Variants in MALRD1 observed in about 807,000 individuals in gnomAD.
MALRD1 encodes MAM and LDL-receptor class A domain-containing protein 1.
MALRD1 carries 247 observed loss-of-function variants against 242.1 expected under a neutral mutation model. The observed-to-expected ratio is 1.02, with a 90% CI of 0.92 to 1.13. The LOEUF (loss-of-function observed/expected upper bound fraction) is 1.13, where lower values mean the gene tolerates loss of function less well. MALRD1 is among the 50% of genes most tolerant of loss of function. MALRD1 has a pLI of 0.00. For missense variants in MALRD1, 2,989 were observed against 2,533.1 expected, an observed-to-expected ratio of 1.18 and a Z score of -3.86; for synonymous variants, 995 against 866.6, an observed-to-expected ratio of 1.15 and a Z score of -2.60.
chr10:19,316,355 T>A (rs1310635414), intron 21 of MALRD1, among the ~76,000 whole-genome samples: 1 of 151,886 alleles, frequency 6.6e-6, no homozygotes, highest in Admixed American at 6.6e-5. Context: ...TTTCTTGGTT[T>A]CTTCTGGAAT....
chr10:19,587,911 GT>G (rs11430007), intron 33 of MALRD1, among the ~76,000 whole-genome samples: 2,720 of 145,876 alleles, frequency 0.019, 69 homozygotes, highest in African/African-American at 0.065. Flanking sequence ...TATCCTAGGT[GT>G]TTTTTTTTTT....
rs1264698374 is a variant in MALRD1, at chr10:19,734,257, G to T, written c.*20G>T. The T allele has an allele frequency of 1.3e-6, 2 of 1,517,924 alleles. No individual in the cohort carries two copies. Among genetic ancestry groups the T allele is most frequent in the Admixed American group, 2.0e-5 (1 of 50,772 alleles). The allele number at this position is 1,517,924 out of a possible 1,614,324, so 94.0% of individuals were successfully genotyped here. A position where few individuals can be genotyped will look rare whatever the true frequency, so the allele number is the denominator to read the frequency against. On this transcript the variant is annotated 3_prime_UTR_variant, in exon 40 of 40. Coordinates refer to ENST00000454679, the MANE Select transcript of MALRD1 (RefSeq NM_001142308.3). ...AAATAGCAGCATCGAGACCAAGTCT[G>T]ATCCAACATGTGTAGTTTCTAGAAA...
At chr10:19,369,020 AACAG>A (rs1298915128) in intron 26 of MALRD1, among the ~76,000 whole-genome samples, 15 of 148,442 alleles carry the variant, frequency 1.0e-4, no homozygotes, top group Middle Eastern at 3.6e-3. Flanking sequence ...CTCAATGTTA[AACAG>A]ACAAATAGAT....
At chr10:19,203,435 A>C (rs144789603) in intron 14 of MALRD1, among the ~76,000 whole-genome samples, 1 of 152,310 alleles carries the variant, frequency 6.6e-6, no homozygotes, top group East Asian at 1.9e-4. Context: ...TGAATTAGGC[A>C]TACCTTGGCA....
chr10:19,416,055 C>T (rs2130900858), intron 28 of MALRD1, among the ~76,000 whole-genome samples: 1 of 152,302 alleles, frequency 6.6e-6, no homozygotes, highest in East Asian at 1.9e-4. Flanking sequence ...GTGCAGGTTG[C>T]TTGTTAACTA....
chr10:19,578,704 T>G (rs1431096034), intron 33 of MALRD1, among the ~76,000 whole-genome samples: 1 of 150,730 alleles, frequency 6.6e-6, no homozygotes, highest in African/African-American at 2.4e-5. Flanking sequence ...ATGGCTGGGT[T>G]TTTTTTTTTT....
At chr10:19,179,611 C>T (rs2131553691) in intron 14 of MALRD1, among the ~76,000 whole-genome samples, 1 of 150,926 alleles carries the variant, frequency 6.6e-6, no homozygotes, top group African/African-American at 2.4e-5. Flanking sequence ...GAGAGAGACC[C>T]TGTCTGCCAC....
At chr10:19,406,968 A>G (rs1833053187) in intron 28 of MALRD1, among the ~76,000 whole-genome samples, 1 of 152,154 alleles carries the variant, frequency 6.6e-6, no homozygotes, top group South Asian at 2.1e-4. Flanking sequence ...ACCCTCGTGT[A>G]TACCTTCCAC....
chr10:19,689,979 T>TA (rs1346806483), intron 36 of MALRD1, among the ~76,000 whole-genome samples: 1 of 152,102 alleles, frequency 6.6e-6, no homozygotes, highest in Non-Finnish European at 1.5e-5. Flanking sequence ...TGAAATCTAT[T>TA]AAAATTTATA....
At chr10:19,257,554 A>T in intron 18 of MALRD1, 130 bp from the exon 19 acceptor site, 1 of 658,474 alleles carries the variant, frequency 1.5e-6, no homozygotes, top group East Asian at 2.9e-5. Context: ...ACTACTGCAA[A>T]GCAGTTTTTT....
intron 29 of MALRD1, chr10:19,489,203 A>G (rs1161257768): frequency 4.2e-6 from 2 of 473,002 alleles, no homozygotes; most frequent in Non-Finnish European, 8.7e-6. Context: ...AGTGCAGGCG[A>G]AGCCGAAAAA....
At chr10:19,503,276 A>C (rs1838057727) in intron 31 of MALRD1, among the ~76,000 whole-genome samples, 1 of 152,204 alleles carries the variant, frequency 6.6e-6, no homozygotes, top group Non-Finnish European at 1.5e-5. Flanking sequence ...GAAAAACAAA[A>C]TTCTTTATGA....
intron 36 of MALRD1, among the ~76,000 whole-genome samples, chr10:19,667,709 C>T (rs1369522031): frequency 6.6e-6 from 1 of 152,092 alleles, no homozygotes; most frequent in Admixed American, 6.6e-5. Flanking sequence ...TGAGGCTTCA[C>T]CAGAAGCTGA....
At chr10:19,282,779 A>G (rs1217521156) in intron 20 of MALRD1, among the ~76,000 whole-genome samples, 1 of 152,172 alleles carries the variant, frequency 6.6e-6, no homozygotes, top group African/African-American at 2.4e-5. Flanking sequence ...TCCTCATGAA[A>G]CCAGATCATT....
intron 28 of MALRD1, among the ~76,000 whole-genome samples, chr10:19,433,992 C>T (rs1834250814): frequency 6.6e-6 from 1 of 151,982 alleles, no homozygotes; most frequent in Non-Finnish European, 1.5e-5. Flanking sequence ...GTTTATGGTT[C>T]TGTAATTGGA....
At chr10:19,073,950 T>C (rs887330551) in intron 2 of MALRD1, among the ~76,000 whole-genome samples, 2 of 152,090 alleles carry the variant, frequency 1.3e-5, no homozygotes, top group Non-Finnish European at 2.9e-5. Flanking sequence ...ATGAGCAGTA[T>C]TTCAATGGAT....
chr10:19,731,867 GT>G (rs1014767951), intron 39 of MALRD1, among the ~76,000 whole-genome samples: 1 of 152,168 alleles, frequency 6.6e-6, no homozygotes, highest in Non-Finnish European at 1.5e-5. Context: ...ATAGGTCACA[GT>G]TTTTTATCTT....
At chr10:19,364,501 A>G (rs1845029235) in intron 26 of MALRD1, among the ~76,000 whole-genome samples, 1 of 152,158 alleles carries the variant, frequency 6.6e-6, no homozygotes, top group Non-Finnish European at 1.5e-5. Flanking sequence ...TTACTGAAAT[A>G]TAAGGCAAGT....
At chr10:19,711,739 C>G (rs755682908) in intron 38 of MALRD1, among the ~76,000 whole-genome samples, 1 of 152,176 alleles carries the variant, frequency 6.6e-6, no homozygotes, top group Non-Finnish European at 1.5e-5. Context: ...TTGGTCTAGG[C>G]CCTGCTGCTT....
Sources: allele counts gnomAD v4.1 joint callset (sites outside exome capture counted in the v4.1 genomes callset), GRCh38; gene constraint gnomAD v4.1.1; transcripts MANE v1.5; gene names NCBI Gene and HGNC (gene_info 2026-07-23, HGNC 2026-07-21).